Variants in ANGEL1 observed in about 807,000 individuals in gnomAD.
ANGEL1 encodes the protein angel homolog 1.
ANGEL1 carries 62 observed loss-of-function variants against 76.4 expected under a neutral mutation model. The observed-to-expected ratio is 0.81, with a 90% CI of 0.66 to 1.00. The LOEUF (loss-of-function observed/expected upper bound fraction) is 1.00, where lower values mean the gene tolerates loss of function less well. Among genes scored for constraint, ANGEL1 ranks in the 50% least tolerant of loss-of-function variants. The pLI is 0.00. For synonymous variants in ANGEL1, 340 were observed against 331.7 expected (o/e 1.03, Z -0.27); for missense variants, 737 against 836.7 (o/e 0.88, Z 1.47).
chr14:76,806,943 G>A (rs1268279814), intron 4 of ANGEL1, 94 bp from the exon 5 acceptor site: 1 of 1,351,328 alleles, frequency 7.4e-7, no homozygotes, highest in East Asian at 2.3e-5. Context: ...ATGCCCCTGA[G>A]GCATTGTTCC....
At chr14:76,812,361 C>T (rs1895113023) in intron 1 of ANGEL1, 1 of 1,037,266 alleles carries the variant, frequency 9.6e-7, no homozygotes, top group African/African-American at 1.7e-5. Flanking sequence ...AGCCGACCCG[C>T]CTCGCCCGCT....
intron 9 of ANGEL1, 151 bp downstream of exon 9, chr14:76,790,460 T>G: frequency 7.4e-7 from 1 of 1,346,806 alleles, no homozygotes; most frequent in South Asian, 1.9e-5. Flanking sequence ...ATGGGGAGAA[T>G]GATAAGGATG....
In ANGEL1 at chr14:76,809,080, C is replaced by T. The variant is rs138112362; in HGVS notation, c.628G>A (p.Ala210Thr). Residue 210 changes from alanine (A) to threonine (T), a missense_variant, in exon 2 of 10, where the codon GCA (alanine) becomes ACA (threonine). Coordinates refer to ENST00000251089, the MANE Select transcript of ANGEL1 (RefSeq NM_015305.4). ...TCACCATGATATGGTATTTCCACTG[C>T]GGGAGGCTGCAACTGCCCCAGGCCC... is the stretch of plus-strand genomic sequence containing the variant. ...FEGLGQLQPPAVEIPYHEILW... is the reference protein window; with the variant it reads ...FEGLGQLQPPTVEIPYHEILW... The T allele has an allele frequency of 3.5e-4, 558 of 1,612,610 alleles. 1 individual carries two copies. In the African/African-American group the frequency reaches 5.7e-3, roughly 16 times the overall value.
intron 5 of ANGEL1, among the ~76,000 whole-genome samples, chr14:76,805,097 CACTACCGGTT>C (rs1894879121): frequency 6.6e-6 from 1 of 151,960 alleles, no homozygotes; most frequent in Non-Finnish European, 1.5e-5. Flanking sequence ...TCTTAATAAT[CACTACCGGTT>C]ACTGACTTTG....
Position 76,789,005 on chromosome 14 carries a change from T to C in ANGEL1, c.*223A>G. On this transcript the variant is annotated 3_prime_UTR_variant, in exon 10 of 10. Transcript: ENST00000251089. ...CTGCCTCTCCCAGGGCCACTGAGTG[T>C]GTGGCACAGGATTAGGAAGAGGCTG... 1.8e-6 allele frequency: 1 copy of C among 542,020 alleles called. No homozygotes were observed. The highest frequency in any genetic ancestry group is 3.2e-6 in the Non-Finnish European group (1 of 311,526). The allele number at this position is 542,020 out of a possible 1,614,324, so 33.6% of individuals were successfully genotyped here.
At chr14:76,796,245 TTTTC>T (rs1197235331) in intron 7 of ANGEL1, among the ~76,000 whole-genome samples, 4 of 151,100 alleles carry the variant, frequency 2.6e-5, no homozygotes, top group South Asian at 2.1e-4. Flanking sequence ...ATAGTATTTT[TTTTC>T]TTTTTCTTTT....
In ANGEL1 at chr14:76,789,267, G is replaced by C. The variant is rs1211433651; in HGVS notation, c.1974C>G (p.Cys658Trp). 6.2e-7 allele frequency: 1 copy of C among 1,614,140 alleles called. No individual in the cohort carries two copies. The highest frequency in any genetic ancestry group is 1.3e-5 in the African/African-American group (1 of 74,948). ...CTTCCATCCCGAAGCTGGCTAGCAG[G>C]CAGAGGTGGTCTGAAGAGCAGAAGG... ...PNPFCSSDHL[C>W]LLASFGMEVT... is the part of the protein sequence containing the mutation. Residue 658 changes from cysteine to tryptophan, a missense_variant, in exon 10 of 10, where the codon TGC (cysteine) becomes TGG (tryptophan). Transcript: ENST00000251089.
In ANGEL1 at chr14:76,809,058, C is replaced by T. The variant is rs758574811; in HGVS notation, c.649+1G>A. On this transcript the variant is annotated splice_donor_variant, in intron 2 of 9. Coordinates refer to ENST00000251089, the MANE Select transcript of ANGEL1 (RefSeq NM_015305.4). LOFTEE classifies it high-confidence loss of function. ...CTCACTCAACCAGTTGTCAGACTCA[C>T]CATGATATGGTATTTCCACTGCGGG... The T allele has an allele frequency of 1.9e-6, 3 of 1,606,338 alleles. No homozygotes were observed. The highest frequency in any genetic ancestry group is 1.7e-5 in the Admixed American group (1 of 59,546).
Position 76,789,388 on chromosome 14 carries a change from T to C in ANGEL1, c.1853A>G (p.Asp618Gly), listed in dbSNP as rs764828654. Residue 618 changes from aspartate to glycine, a missense_variant and splice_region_variant, in exon 10 of 10, where the codon GAT (aspartate) becomes GGT (glycine). Asp to Gly is a moderately conservative substitution (Grantham distance 94). This residue lies in a region of ANGEL1 where 296 missense variants were observed against 387.2 expected (regional missense o/e 0.76). Coordinates refer to ENST00000251089, the MANE Select transcript of ANGEL1 (RefSeq NM_015305.4). ...AESCENGNRT[D>G]HRLYRDGTLK... Reference sequence around the variant, plus strand: ...AGTTCCATCTCGATACAGCCTGTGATCTGGGGCACAAAGCAGAAGCCAATG... The same window carrying C: ...AGTTCCATCTCGATACAGCCTGTGACCTGGGGCACAAAGCAGAAGCCAATG... 11 of 1,614,002 alleles carry C rather than the reference T, an allele frequency of 6.8e-6. No homozygotes were observed. Among genetic ancestry groups the C allele is most frequent in the Non-Finnish European group, 7.6e-6 (9 of 1,180,000 alleles).
At chr14:76,811,795 G>A (rs150977223) in intron 1 of ANGEL1, among the ~76,000 whole-genome samples, 68 of 152,296 alleles carry the variant, frequency 4.5e-4, no homozygotes, top group African/African-American at 1.5e-3. Context: ...CAAAATGGAC[G>A]TGGCCCTGCG....
chr14:76,790,668 T>C lies in ANGEL1; in HGVS notation c.1795A>G (p.Met599Val). 6.2e-7 allele frequency: 1 copy of C among 1,614,154 alleles called. No homozygotes were observed. The highest frequency in any genetic ancestry group is 8.5e-7 in the Non-Finnish European group (1 of 1,180,018). The change falls in exon 9 of 10, where the codon ATG (methionine) becomes GTG (valine). Residue 599 changes from methionine to valine, a missense_variant. Around this residue, in one of 2 missense-constraint regions of ANGEL1, gnomAD observed 296 missense variants for 387.2 expected, o/e 0.76. Coordinates refer to ENST00000251089, the MANE Select transcript of ANGEL1 (RefSeq NM_015305.4). ...EVTTMPLGLGMTVDYIFFSAE... is the reference protein window; with the variant it reads ...EVTTMPLGLGVTVDYIFFSAE... ...GAGAAGAAGATGTAATCTACTGTCA[T>C]TCCAAGACCCAATGGCATTGTAGTG... is the stretch of plus-strand genomic sequence containing the variant.
intron 7 of ANGEL1, among the ~76,000 whole-genome samples, chr14:76,795,098 T>C (rs1448075123): frequency 6.6e-6 from 1 of 152,214 alleles, no homozygotes; most frequent in African/African-American, 2.4e-5. Flanking sequence ...TTAGAGTTTT[T>C]TTCTTTAATC....
Position 76,786,161 on chromosome 14 carries a change from TC to T in ANGEL1, c.*3066del, listed in dbSNP as rs1566692916. 5.1e-3 allele frequency: 754 copies of T among 148,994 alleles called. 7 individuals are homozygous for T. Among genetic ancestry groups the T allele is most frequent in the East Asian group, 0.018 (96 of 5,312 alleles). 9.2% of individuals were successfully genotyped at this position (148,994 alleles called of 1,614,324 possible). A position where few individuals can be genotyped will look rare whatever the true frequency, so the allele number is the denominator to read the frequency against. Reference sequence around the variant, plus strand: ...TAGCTGAGTTTTCTTTCTTTTCTTTTCTTTTCTTTTTTTTTTTTTGAGATGG... The same window carrying T: ...TAGCTGAGTTTTCTTTCTTTTCTTTTTTTTCTTTTTTTTTTTTTGAGATGG... On this transcript the variant is annotated 3_prime_UTR_variant, in exon 10 of 10. Coordinates refer to ENST00000251089, the MANE Select transcript of ANGEL1 (RefSeq NM_015305.4).
At chr14:76,789,625 G>A (rs1894339338) in intron 9 of ANGEL1, among the ~76,000 whole-genome samples, 1 of 151,948 alleles carries the variant, frequency 6.6e-6, no homozygotes, top group Non-Finnish European at 1.5e-5. Flanking sequence ...AAGCTGGAGA[G>A]CCCACCATTA....
At chr14:76,801,286 T>C (rs898160321) in intron 7 of ANGEL1, among the ~76,000 whole-genome samples, 32 of 151,940 alleles carry the variant, frequency 2.1e-4, no homozygotes, top group Non-Finnish European at 2.4e-4. Context: ...AATTTTTTGA[T>C]TTTTTTGTAG....
In ANGEL1 at chr14:76,807,437, C is replaced by T. The variant is rs752773080; in HGVS notation, c.942G>A (p.Met314Ile). Reference sequence around the variant, plus strand: ...CATCCCAGGGAGCTGCATTACCCATCATTCGCAGAGAGGGTTCCAGCTGCT... The same window carrying T: ...CATCCCAGGGAGCTGCATTACCCATTATTCGCAGAGAGGGTTCCAGCTGCT... The part of the protein sequence containing the change: ...YWEQLEPSLR[M>I]MGFTCFYKRR... The change falls in exon 4 of 10, where the codon ATG (methionine) becomes ATA (isoleucine). Residue 314 changes from methionine (M) to isoleucine (I), a missense_variant. Coordinates refer to ENST00000251089, the MANE Select transcript of ANGEL1 (RefSeq NM_015305.4). The T allele has an allele frequency of 1.2e-6, 2 of 1,612,012 alleles. No individual in the cohort carries two copies. The highest frequency in any genetic ancestry group is 1.1e-5 in the South Asian group (1 of 90,462).
At chr14:76,803,600 A>G in intron 6 of ANGEL1, 119 bp from the exon 7 acceptor site, 2 of 1,353,486 alleles carry the variant, frequency 1.5e-6, no homozygotes, top group Non-Finnish European at 1.0e-6. Context: ...GAAGACAAGG[A>G]GATTTTCCAA....
rs1391545305 is a variant in ANGEL1 at position 76,809,595 on chromosome 14, G to A, written c.113C>T (p.Ser38Phe). The A allele has an allele frequency of 1.9e-6, 3 of 1,613,926 alleles. No individual in the cohort carries two copies. The Admixed American group carries it at 5.0e-5, about 27-fold the overall frequency. The change falls in exon 2 of 10, where the codon TCC (serine) becomes TTC (phenylalanine). Residue 38 changes from serine (S) to phenylalanine (F), a missense_variant. Physicochemically the swap from Ser to Phe is radical, Grantham distance 155. Transcript: ENST00000251089. ...RKNVLLANSS[S>F]PQVEGDFAMA... ...GGCAAAGTCGCCCTCTACCTGGGGG[G>A]ATGAGCTGTTCGCCAGAAGGACATT...
chr14:76,806,448 C>G lies in ANGEL1; in HGVS notation c.1348G>C (p.Glu450Gln). Residue 450 changes from glutamate (E) to glutamine (Q), a missense_variant, in exon 5 of 10, where the codon GAG (glutamate) becomes CAG (glutamine). Around this residue, in one of 2 missense-constraint regions of ANGEL1, gnomAD observed 296 missense variants for 387.2 expected, o/e 0.76. Coordinates refer to ENST00000251089, the MANE Select transcript of ANGEL1 (RefSeq NM_015305.4). The stretch of plus-strand genomic sequence containing the variant: ...GCTGGCATCCCATGGTACTGGAGCT[C>G]TCCATCCCTGATGAAGTTGTAGAGA... The part of the protein sequence containing the change: ...SPLYNFIRDG[E>Q]LQYHGMPAWK... 6.2e-7 allele frequency: 1 copy of G among 1,614,078 alleles called. No individual in the cohort carries two copies. The highest frequency in any genetic ancestry group is 1.1e-5 in the South Asian group (1 of 91,064).
Sources: allele counts gnomAD v4.1 joint callset (sites outside exome capture counted in the v4.1 genomes callset), GRCh38; gene constraint gnomAD v4.1.1; regional missense constraint gnomAD v4.1.1; transcripts MANE v1.5; gene names NCBI Gene and HGNC (gene_info 2026-07-23, HGNC 2026-07-21).